ADCK1: variants seen among roughly 807,000 people sequenced by gnomAD.
The protein encoded by ADCK1 is aarF domain-containing protein kinase 1.
ADCK1 carries 41 observed loss-of-function variants against 52.3 expected under a neutral mutation model. The ratio of observed to expected loss-of-function variants is 0.78; its 90% CI spans 0.61 to 1.02. The LOEUF (loss-of-function observed/expected upper bound fraction) is 1.02. Ranked by LOEUF, ADCK1 falls within the 50% of genes least tolerant of loss-of-function variation. The probability of loss-of-function intolerance (pLI) is 0.00; values close to 1 mark genes in which losing one functional copy is unlikely to be tolerated. For missense variants in ADCK1, 658 were observed against 679.5 expected (o/e 0.97, Z 0.35); for synonymous variants, 250 against 274.6 (o/e 0.91, Z 0.89).
chr14:77,816,405 G>A (rs1212017539), intron 1 of ADCK1, among the ~76,000 whole-genome samples: 1 of 141,792 alleles, frequency 7.1e-6, no homozygotes, highest in Non-Finnish European at 1.6e-5. Context: ...CAGGATCGTG[G>A]TCTTTCCCCA....
chr14:77,819,246 A>C, intron 2 of ADCK1, 133 bp downstream of exon 2: 2 of 1,269,874 alleles, frequency 1.6e-6, no homozygotes, highest in Non-Finnish European at 2.2e-6. Context: ...CAAAAGCTAC[A>C]TCTGCACAGG....
chr14:77,817,503 TGTTG>T (rs533962934), intron 1 of ADCK1, among the ~76,000 whole-genome samples: 1 of 152,280 alleles, frequency 6.6e-6, no homozygotes, highest in African/African-American at 2.4e-5. Flanking sequence ...GGAAGCACTC[TGTTG>T]GGTGCACTGG....
In ADCK1 at chr14:77,807,304, G is replaced by A. The variant is rs576253011; in HGVS notation, c.-12+7134G>A. 3.0e-3 allele frequency among the ~76,000 whole-genome samples: 445 copies of A among 148,452 alleles called. 3 individuals carry two copies. Among genetic ancestry groups the A allele is most frequent in the Middle Eastern group, 0.023 (6 of 266 alleles). ...GGGATGGTCTCGATCTCCTGACCTC[G>A]TGATCCGCCCGCCTCGGCCTCCCAA... is the stretch of plus-strand genomic sequence containing the variant. On this transcript the variant is annotated intron_variant, in intron 1 of 10. Coordinates refer to ENST00000238561, the MANE Select transcript of ADCK1 (RefSeq NM_020421.4).
rs10683624 is a variant in ADCK1 at position 77,889,886 on chromosome 14, T to TAAAAA, written c.582+2651_582+2655dup. Among the ~76,000 whole-genome samples, 20 of 123,180 alleles carry TAAAAA rather than the reference T, an allele frequency of 1.6e-4. 2 individuals carry two copies. The highest frequency in any genetic ancestry group is 9.4e-4 in the East Asian group (4 of 4,258). The allele number at this position is 123,180 out of a possible 152,430, so 80.8% of individuals were successfully genotyped here. On this transcript the variant is annotated intron_variant, in intron 5 of 10. Coordinates refer to ENST00000238561, the MANE Select transcript of ADCK1 (RefSeq NM_020421.4). ...GATCACTAGAGAAGGTATATAGAGT[T>TAAAAA]AAAAAAAAAAAAAAAAAACAGAAGA... is the stretch of plus-strand genomic sequence containing the variant.
chr14:77,813,384 C>G (rs1416107011), intron 1 of ADCK1, among the ~76,000 whole-genome samples: 3 of 152,138 alleles, frequency 2.0e-5, no homozygotes, highest in Non-Finnish European at 4.4e-5. Context: ...GGTCTCAGCT[C>G]ACTGCAACCT....
chr14:77,899,099 G>C lies in ADCK1; in HGVS notation c.583-1G>C. 1.2e-6 allele frequency: 2 copies of C among 1,613,474 alleles called. No individual in the cohort carries two copies. Among genetic ancestry groups the C allele is most frequent in the Non-Finnish European group, 1.7e-6 (2 of 1,180,018 alleles). On this transcript the variant is annotated splice_acceptor_variant, in intron 5 of 10. Transcript: ENST00000238561. LOFTEE classifies it high-confidence loss of function. ...TGACTGGGGTGCTTGTTGGATTTCA[G>C]GTGCTCGTTCTGGCTGTGAAGCAGC...
chr14:77,911,920 C>T (rs1197675168), intron 7 of ADCK1, among the ~76,000 whole-genome samples: 1 of 152,076 alleles, frequency 6.6e-6, no homozygotes, highest in African/African-American at 2.4e-5. Flanking sequence ...CAGTAAGTTT[C>T]CATGTGAATA....
chr14:77,823,456 CA>C (rs2081623730), intron 3 of ADCK1, among the ~76,000 whole-genome samples: 1 of 152,108 alleles, frequency 6.6e-6, no homozygotes, highest in Admixed American at 6.6e-5. Flanking sequence ...CAATTTCAAC[CA>C]TCCACAAGAG....
At position 77,887,259 on chromosome 14, in the gene ADCK1, C is replaced by T. The variant is rs368684141; in HGVS notation, c.582+10C>T. 1.9e-6 allele frequency: 3 copies of T among 1,550,142 alleles called. No homozygotes were observed. Among genetic ancestry groups the T allele is most frequent in the Non-Finnish European group, 2.6e-6 (3 of 1,147,436 alleles). On this transcript the variant is annotated intron_variant, in intron 5 of 10. Coordinates refer to ENST00000238561, the MANE Select transcript of ADCK1 (RefSeq NM_020421.4). ...CATTCTCCTGATGGAGGTGAGAGCCCTCCCTTTCTCCTTCCTGTGTCCTCA... is the reference window on the plus strand; with the variant it reads ...CATTCTCCTGATGGAGGTGAGAGCCTTCCCTTTCTCCTTCCTGTGTCCTCA...
intron 4 of ADCK1, among the ~76,000 whole-genome samples, chr14:77,872,677 C>CTTTTTTT (rs35569874): frequency 1.4e-5 from 2 of 140,908 alleles, no homozygotes; most frequent in African/African-American, 5.3e-5. Context: ...TTCCCCACTC[C>CTTTTTTT]TTTTTTTTTT....
intron 1 of ADCK1, among the ~76,000 whole-genome samples, chr14:77,811,071 A>G (rs1045379692): frequency 4.0e-5 from 6 of 151,832 alleles, no homozygotes; most frequent in African/African-American, 1.5e-4. Context: ...AAAATACTCC[A>G]GGCTGAGGGT....
chr14:77,861,227 G>A (rs538746072), intron 4 of ADCK1, among the ~76,000 whole-genome samples: 2 of 152,262 alleles, frequency 1.3e-5, no homozygotes, highest in African/African-American at 4.8e-5. Context: ...CTCGCAGCTG[G>A]GGAGCTTCTT....
intron 4 of ADCK1, among the ~76,000 whole-genome samples, chr14:77,879,366 A>G (rs553948809): frequency 2.8e-4 from 43 of 152,364 alleles, no homozygotes; most frequent in African/African-American, 9.6e-4. Context: ...AGGAAGGTGC[A>G]TGAACCCTGA....
At chr14:77,909,115 T>C (rs1461021310) in intron 7 of ADCK1, among the ~76,000 whole-genome samples, 2 of 139,480 alleles carry the variant, frequency 1.4e-5, no homozygotes, top group African/African-American at 5.4e-5. Context: ...CCACGCCCAG[T>C]GGAGGTAAAT....
At chr14:77,806,330 A>G (rs754999868) in intron 1 of ADCK1, among the ~76,000 whole-genome samples, 3 of 152,082 alleles carry the variant, frequency 2.0e-5, no homozygotes, top group South Asian at 2.1e-4. Flanking sequence ...TATAAACTAT[A>G]TTCCTCCCAA....
chr14:77,926,067 C>T (rs2084187093), intron 9 of ADCK1, 106 bp downstream of exon 9: 9 of 1,343,660 alleles, frequency 6.7e-6, no homozygotes, highest in Non-Finnish European at 8.3e-6. Context: ...GACTGGTGGG[C>T]TGTGTGTTGG....
At chr14:77,825,584 G>A (rs778307823) in intron 3 of ADCK1, among the ~76,000 whole-genome samples, 9 of 152,084 alleles carry the variant, frequency 5.9e-5, no homozygotes, top group Admixed American at 2.6e-4. Context: ...CCATCACCAG[G>A]ATGTGACAGG....
intron 1 of ADCK1, among the ~76,000 whole-genome samples, chr14:77,804,634 T>C (rs529898980): frequency 6.2e-4 from 95 of 152,008 alleles, no homozygotes; most frequent in African/African-American, 2.2e-3. Flanking sequence ...GGATGGGGTG[T>C]TGGTGATGAA....
chr14:77,906,158 G>C (rs61990749), intron 6 of ADCK1, among the ~76,000 whole-genome samples: 18,276 of 152,222 alleles, frequency 0.12, 1,177 homozygotes, highest in East Asian at 0.21. Context: ...AGACACAACA[G>C]TATTAGCAGA....
Sources: gnomAD v4.1 joint callset for allele counts (sites outside exome capture counted in the v4.1 genomes callset) on GRCh38, gnomAD v4.1.1 for gene constraint, MANE v1.5 for transcripts, NCBI Gene and HGNC (gene_info 2026-07-23, HGNC 2026-07-21) for gene names.